Variants in CDH23 observed in about 807,000 individuals in gnomAD.
CDH23 encodes cadherin related 23.
CDH23 carries 189 observed loss-of-function variants against 317.1 expected under a neutral mutation model. The observed-to-expected ratio is 0.60, with a 90% CI of 0.53 to 0.67. CDH23 has a LOEUF of 0.67. CDH23 is among the 30% of genes least tolerant of loss of function. CDH23 has a pLI of 0.00. For missense variants in CDH23, 4,401 were observed against 4,592.4 expected (o/e 0.96, Z 1.20); for synonymous variants, 1,839 against 1,876.8 (o/e 0.98, Z 0.52).
chr10:71,596,869 C>T (rs987339565), intron 9 of CDH23, among the ~76,000 whole-genome samples: 11 of 152,182 alleles, frequency 7.2e-5, no homozygotes, highest in Non-Finnish European at 1.2e-4. Context: ...CCAGCCCGCC[C>T]CAGGGCCTGC....
chr10:71,619,272 G>T (rs1323157758), intron 11 of CDH23, among the ~76,000 whole-genome samples: 22 of 151,436 alleles, frequency 1.5e-4, no homozygotes, highest in Non-Finnish European at 1.0e-4. Flanking sequence ...GAGGCGGAGG[G>T]TGCAGTGAGC....
At chr10:71,467,068 G>A (rs751172379) in intron 3 of CDH23, among the ~76,000 whole-genome samples, 1 of 152,126 alleles carries the variant, frequency 6.6e-6, no homozygotes, top group Non-Finnish European at 1.5e-5. Flanking sequence ...GGAGCCAAAG[G>A]TGTTTCTCCG....
At chr10:71,797,070 T>G (rs375346692) in intron 48 of CDH23, 34 bp from the exon 49 acceptor site, 20 of 1,463,098 alleles carry the variant, frequency 1.4e-5, no homozygotes, top group Non-Finnish European at 1.6e-5. Context: ...AGGGGGTTCT[T>G]CTCAGGCTGA....
chr10:71,803,192 C>T lies in CDH23; in HGVS notation c.7661-17C>T. 1.9e-6 allele frequency: 3 copies of T among 1,609,942 alleles called. No individual in the cohort carries two copies. The highest frequency in any genetic ancestry group is 2.5e-6 in the Non-Finnish European group (3 of 1,177,720). On this transcript the variant is annotated splice_polypyrimidine_tract_variant and intron_variant, in intron 54 of 69. Coordinates refer to ENST00000224721, the MANE Select transcript of CDH23 (RefSeq NM_022124.6). ...AGGATGTCTCAACCAGAGCTACTCT[C>T]CTGCTCCCACTGCCAGAGGCCTTCC...
intron 3 of CDH23, among the ~76,000 whole-genome samples, chr10:71,481,992 G>A (rs1027896949): frequency 4.6e-5 from 7 of 152,160 alleles, no homozygotes; most frequent in Admixed American, 3.3e-4. Flanking sequence ...CGGGGCTGGC[G>A]TGAGTGTGAG....
intron 34 of CDH23, among the ~76,000 whole-genome samples, chr10:71,735,535 T>G (rs542156287): frequency 2.6e-5 from 4 of 152,276 alleles, no homozygotes; most frequent in South Asian, 2.1e-4. Flanking sequence ...GCCTGGACAC[T>G]GGCCAGTCAC....
chr10:71,785,602 C>T (rs1466647701), intron 43 of CDH23, 29 bp from the exon 44 acceptor site: 1 of 1,411,294 alleles, frequency 7.1e-7, no homozygotes, highest in South Asian at 1.2e-5. Context: ...AAAAGGTCTC[C>T]ATGCAGCTCA....
At chr10:71,585,278 G>T (rs561121640) in intron 9 of CDH23, among the ~76,000 whole-genome samples, 1 of 152,144 alleles carries the variant, frequency 6.6e-6, no homozygotes, top group Non-Finnish European at 1.5e-5. Flanking sequence ...GCAGAAAGGG[G>T]CATATTCATA....
At chr10:71,617,587 C>A in intron 11 of CDH23, 194 bp downstream of exon 11, 2 of 1,380,264 alleles carry the variant, frequency 1.4e-6, no homozygotes, top group Non-Finnish European at 1.9e-6. Context: ...CTACACCCTG[C>A]AAAAAACATG....
At chr10:71,580,132 T>G (rs1490712515) in intron 9 of CDH23, among the ~76,000 whole-genome samples, 2 of 152,190 alleles carry the variant, frequency 1.3e-5, no homozygotes, top group South Asian at 4.1e-4. Context: ...TCCAGACCCT[T>G]AGGTCCTCTC....
At chr10:71,542,442 G>A (rs1856036931) in intron 6 of CDH23, among the ~76,000 whole-genome samples, 1 of 152,182 alleles carries the variant, frequency 6.6e-6, no homozygotes. Flanking sequence ...TGTCTTTAGG[G>A]TCTTGCTGTG....
chr10:71,548,281 ATG>A (rs1470307879), intron 6 of CDH23, among the ~76,000 whole-genome samples: 1 of 152,046 alleles, frequency 6.6e-6, no homozygotes, highest in East Asian at 1.9e-4. Context: ...GTCTTTGTGT[ATG>A]TGTGTGCGTG....
At chr10:71,650,452 G>A (rs185909677) in intron 14 of CDH23, among the ~76,000 whole-genome samples, 207 of 152,318 alleles carry the variant, frequency 1.4e-3, no homozygotes, top group African/African-American at 4.8e-3. Flanking sequence ...CTTGTGGGAT[G>A]TGTATGGGGG....
At chr10:71,405,811 T>C (rs1467254521) in intron 1 of CDH23, among the ~76,000 whole-genome samples, 1 of 152,138 alleles carries the variant, frequency 6.6e-6, no homozygotes, top group Non-Finnish European at 1.5e-5. Context: ...ACCCATCCTG[T>C]CTGTGCTTTA....
intron 1 of CDH23, among the ~76,000 whole-genome samples, chr10:71,407,694 G>A (rs1400406001): frequency 6.6e-6 from 1 of 152,188 alleles, no homozygotes; most frequent in Non-Finnish European, 1.5e-5. Context: ...TGGGCTTTCC[G>A]GGTCTCGACC....
At chr10:71,716,342 C>T in intron 28 of CDH23, 1 of 1,465,106 alleles carries the variant, frequency 6.8e-7, no homozygotes, top group Non-Finnish European at 9.1e-7. Context: ...GCTCATGGCT[C>T]CTGCAACAGC....
At position 71,774,744 on chromosome 10, in the gene CDH23, C is replaced by T. The variant is rs191442671; in HGVS notation, c.4846-2936C>T. Among the ~76,000 whole-genome samples, 198 of 152,270 alleles carry T rather than the reference C, an allele frequency of 1.3e-3. No individual in the cohort carries two copies. In the South Asian group the frequency reaches 0.018, roughly 14 times the overall value. On this transcript the variant is annotated intron_variant, in intron 38 of 69. Coordinates refer to ENST00000224721, the MANE Select transcript of CDH23 (RefSeq NM_022124.6). ...GTTTACCCCAGTCTAGCTGAAGCTTCCAGGGGTTTTTCTGGCACTTTAGGG... is the reference window on the plus strand; with the variant it reads ...GTTTACCCCAGTCTAGCTGAAGCTTTCAGGGGTTTTTCTGGCACTTTAGGG...
chr10:71,805,605 G>A (rs1365240309), intron 55 of CDH23, among the ~76,000 whole-genome samples: 1 of 152,204 alleles, frequency 6.6e-6, no homozygotes, highest in Non-Finnish European at 1.5e-5. Flanking sequence ...GCTTGGGTTG[G>A]GGAGGAGAGA....
intron 6 of CDH23, among the ~76,000 whole-genome samples, chr10:71,526,657 C>T (rs1589165677): frequency 6.6e-6 from 1 of 152,304 alleles, no homozygotes; most frequent in South Asian, 2.1e-4. Context: ...TTATCATTTC[C>T]TTGAACCTCT....
Sources: gnomAD v4.1 joint callset for allele counts (sites outside exome capture counted in the v4.1 genomes callset) on GRCh38, gnomAD v4.1.1 for gene constraint, MANE v1.5 for transcripts, NCBI Gene and HGNC (gene_info 2026-07-23, HGNC 2026-07-21) for gene names.